The following PCLO variants were observed in gnomAD, a reference collection of about 807,000 sequenced individuals.
The protein encoded by PCLO is piccolo presynaptic cytomatrix protein, also known as protein piccolo.
Under a neutral mutation model 427.5 loss-of-function variants are expected in PCLO, and 82 were observed. The ratio of observed to expected loss-of-function variants is 0.19; its 90% CI spans 0.16 to 0.23. The LOEUF (loss-of-function observed/expected upper bound fraction) is 0.23. Ranked by LOEUF, PCLO falls within the 10% of genes least tolerant of loss-of-function variation. The probability of loss-of-function intolerance (pLI) is 1.00; values close to 1 mark genes in which losing one functional copy is unlikely to be tolerated. For synonymous variants in PCLO, 2,357 were observed against 2,155.4 expected (o/e 1.09, Z -2.59); for missense variants, 6,239 against 6,115.9 (o/e 1.02, Z -0.67).
rs377749251 is a variant in PCLO at position 82,943,698 on chromosome 7, G to C, written c.11112+5778C>G. Among the ~76,000 whole-genome samples, 45 of 152,182 alleles carry C rather than the reference G, an allele frequency of 3.0e-4. 2 individuals are homozygous for C. The South Asian group carries it at 8.5e-3, about 29-fold the overall frequency. On this transcript the variant is annotated intron_variant, in intron 6 of 24. Coordinates refer to ENST00000333891, the MANE Select transcript of PCLO (RefSeq NM_033026.6). ...TCTCATTGTGCAGAAGAAAGAGAAA[G>C]GGTGTAAGGAAGGCATTTTGGAGCT... is the stretch of plus-strand genomic sequence containing the variant.
At position 82,775,906 on chromosome 7, in the gene PCLO, T is replaced by G. The variant is rs561612922; in HGVS notation, c.15008-14413A>C. Among the ~76,000 whole-genome samples, 6 of 152,314 alleles carry G rather than the reference T, an allele frequency of 3.9e-5. No individual in the cohort carries two copies. The East Asian group carries it at 9.6e-4, about 24-fold the overall frequency. ...TGAGTTCTGTGTCTAGGTTAACTTT[T>G]TTGCATGTGGAGGTCCAATTGTTCC... On this transcript the variant is annotated intron_variant, in intron 22 of 24. Coordinates refer to ENST00000333891, the MANE Select transcript of PCLO (RefSeq NM_033026.6).
chr7:83,041,006 T>G (rs1195127385), intron 3 of PCLO, among the ~76,000 whole-genome samples: 1 of 152,316 alleles, frequency 6.6e-6, no homozygotes, highest in African/African-American at 2.4e-5. Flanking sequence ...ATCAGGAAAT[T>G]TAACTTCTAT....
chr7:82,834,301 A>G (rs1046029091), intron 16 of PCLO, among the ~76,000 whole-genome samples: 2 of 152,162 alleles, frequency 1.3e-5, no homozygotes, highest in African/African-American at 2.4e-5. Context: ...AATTTTGCAT[A>G]TCAGCCTGAG....
chr7:82,927,817 T>C (rs1794748602), intron 6 of PCLO, among the ~76,000 whole-genome samples: 1 of 152,178 alleles, frequency 6.6e-6, no homozygotes, highest in Non-Finnish European at 1.5e-5. Context: ...GTTGTAAGCA[T>C]TTTATACCTG....
Position 83,135,472 on chromosome 7 carries a change from T to C in PCLO, c.2078A>G (p.Asp693Gly), listed in dbSNP as rs577149503. 1 of 1,613,644 alleles carries C rather than the reference T, an allele frequency of 6.2e-7. No individual in the cohort carries two copies. Among genetic ancestry groups the C allele is most frequent in the African/African-American group, 1.3e-5 (1 of 74,922 alleles). The change falls in exon 3 of 25, where the codon GAT becomes GGT. Residue 693 changes from aspartate to glycine, a missense_variant. Coordinates refer to ENST00000333891, the MANE Select transcript of PCLO (RefSeq NM_033026.6). ...TTTAGGCTCAGGTGCCTTGGAGAGATCCTGTTTTGGTGCAGCATCCTTCTT... is the reference window on the plus strand; with the variant it reads ...TTTAGGCTCAGGTGCCTTGGAGAGACCCTGTTTTGGTGCAGCATCCTTCTT... ...SPKKDAAPKQ[D>G]LSKAPEPKKP...
At chr7:83,135,774 T>C (rs1339722436) in intron 2 of PCLO, 118 bp from the exon 3 acceptor site, 5 of 591,160 alleles carry the variant, frequency 8.5e-6, no homozygotes, top group Admixed American at 6.5e-5. Context: ...GCAGAAAATA[T>C]AGAGAAAATT....
chr7:82,954,824 C>T lies in PCLO; in HGVS notation c.6129G>A (p.Val2043=). 6.2e-7 allele frequency: 1 copy of T among 1,613,744 alleles called. No individual in the cohort carries two copies. The highest frequency in any genetic ancestry group is 8.5e-7 in the Non-Finnish European group (1 of 1,179,746). Residue 2043 remains valine (V), a synonymous_variant, in exon 5 of 25, where the codon GTG becomes GTA. Coordinates refer to ENST00000333891, the MANE Select transcript of PCLO (RefSeq NM_033026.6). ...TAGAAGTTACCATAGTACCCAGGTCCACTATCTCATGGCTTTCTGGGATGA... is the reference window on the plus strand; with the variant it reads ...TAGAAGTTACCATAGTACCCAGGTCTACTATCTCATGGCTTTCTGGGATGA... ...SFIIPESHEI[V]DLGTMVTSTE...
At chr7:82,860,629 A>G (rs1481128794) in intron 10 of PCLO, among the ~76,000 whole-genome samples, 2 of 152,074 alleles carry the variant, frequency 1.3e-5, no homozygotes, top group Non-Finnish European at 1.5e-5. Context: ...TCCAAAATTC[A>G]TTGGTAATAG....
chr7:82,926,095 C>T (rs569925779), intron 6 of PCLO, among the ~76,000 whole-genome samples: 91 of 152,046 alleles, frequency 6.0e-4, no homozygotes, highest in African/African-American at 2.0e-3. Flanking sequence ...TGATACCATT[C>T]GTGAAAAAAT....
chr7:82,931,089 T>A (rs1794828883), intron 6 of PCLO, among the ~76,000 whole-genome samples: 1 of 152,132 alleles, frequency 6.6e-6, no homozygotes, highest in Admixed American at 6.6e-5. Context: ...AGCTAAGACA[T>A]ATAAAAGACT....
chr7:82,831,748 C>T (rs1335874028), intron 16 of PCLO, among the ~76,000 whole-genome samples: 1 of 152,166 alleles, frequency 6.6e-6, no homozygotes, highest in East Asian at 1.9e-4. Context: ...AAAGTAAAAA[C>T]AGCTTGCTCC....
intron 3 of PCLO, among the ~76,000 whole-genome samples, chr7:83,068,968 A>C (rs899382157): frequency 6.6e-6 from 1 of 152,206 alleles, no homozygotes; most frequent in Non-Finnish European, 1.5e-5. Flanking sequence ...GCAAAGAAAG[A>C]CAAGTATTAT....
At chr7:82,986,609 A>G (rs1374392506) in intron 3 of PCLO, among the ~76,000 whole-genome samples, 1 of 151,986 alleles carries the variant, frequency 6.6e-6, no homozygotes, top group Non-Finnish European at 1.5e-5. Context: ...TTGTTCATTT[A>G]TACAGATGCA....
intron 9 of PCLO, among the ~76,000 whole-genome samples, chr7:82,886,242 T>TTC (rs1235858014): frequency 6.6e-6 from 1 of 152,282 alleles, no homozygotes; most frequent in Non-Finnish European, 1.5e-5. Context: ...TAATCTCCAT[T>TTC]TCTCTATTAC....
chr7:82,977,121 A>G (rs1424153400), intron 3 of PCLO, among the ~76,000 whole-genome samples: 2 of 152,088 alleles, frequency 1.3e-5, no homozygotes, highest in African/African-American at 4.8e-5. Flanking sequence ...GAAACAGAAC[A>G]GTGCCAATAT....
At chr7:83,021,049 T>C (rs544497061) in intron 3 of PCLO, among the ~76,000 whole-genome samples, 1 of 152,286 alleles carries the variant, frequency 6.6e-6, no homozygotes, top group African/African-American at 2.4e-5. Flanking sequence ...TATCAGCTGT[T>C]CTGAAGAAAC....
Position 82,950,016 on chromosome 7 carries a change from T to C in PCLO, c.10572A>G (p.Ile3524Met). 6.2e-7 allele frequency: 1 copy of C among 1,613,360 alleles called. No individual in the cohort carries two copies. Among genetic ancestry groups the C allele is most frequent in the Non-Finnish European group, 8.5e-7 (1 of 1,179,782 alleles). Residue 3524 changes from isoleucine to methionine, a missense_variant, in exon 6 of 25, where the codon ATA (isoleucine) becomes ATG (methionine). By Grantham distance (10) the Ile-to-Met change is conservative. This residue lies in a region of PCLO where 4,677 missense variants were observed against 4,468.4 expected (regional missense o/e 1.05). Transcript: ENST00000333891. ...SSIAVQTVAEISVQTEPVGTI... is the reference protein window; with the variant it reads ...SSIAVQTVAEMSVQTEPVGTI... The stretch of plus-strand genomic sequence containing the variant: ...TTCCAACTGGTTCAGTTTGCACAGA[T>C]ATCTCTGCTACCGTTTGAACTGCTA...
intron 20 of PCLO, among the ~76,000 whole-genome samples, chr7:82,814,014 A>G (rs1319721943): frequency 1.3e-5 from 2 of 151,806 alleles, no homozygotes; most frequent in African/African-American, 4.8e-5. Context: ...ATTTATAAAC[A>G]ACTGTTTTTC....
At chr7:83,030,188 G>C (rs1788629594) in intron 3 of PCLO, among the ~76,000 whole-genome samples, 1 of 150,040 alleles carries the variant, frequency 6.7e-6, no homozygotes, top group Non-Finnish European at 1.5e-5. Flanking sequence ...TGGAGGGAGA[G>C]AGACATTTAA....
Sources: allele counts gnomAD v4.1 joint callset (sites outside exome capture counted in the v4.1 genomes callset), GRCh38; gene constraint gnomAD v4.1.1; regional missense constraint gnomAD v4.1.1; transcripts MANE v1.5; gene names NCBI Gene and HGNC (gene_info 2026-07-23, HGNC 2026-07-21).